Variants in MSS51 observed in about 807,000 individuals in gnomAD.
MSS51 encodes the protein MSS51 mitochondrial translational activator, also known as putative protein MSS51 homolog, mitochondrial.
MSS51 carries 32 observed loss-of-function variants against 40.2 expected under a neutral mutation model. The ratio of observed to expected loss-of-function variants is 0.80; its 90% CI spans 0.60 to 1.07. The LOEUF is 1.07. Ranked by LOEUF, MSS51 falls within the 50% of genes least tolerant of loss-of-function variation. MSS51 has a pLI of 0.00. For missense variants in MSS51, 518 were observed against 568.9 expected (o/e 0.91, Z 0.91); for synonymous variants, 178 against 214.2 (o/e 0.83, Z 1.48).
Position 73,424,383 on chromosome 10 carries a change from A to C in MSS51, c.*170T>G, listed in dbSNP as rs1057052432. 1 of 610,572 alleles carries C rather than the reference A, an allele frequency of 1.6e-6. No individual in the cohort carries two copies. Among genetic ancestry groups the C allele is most frequent in the African/African-American group, 1.9e-5 (1 of 53,926 alleles). 37.8% of individuals were successfully genotyped at this position (610,572 alleles called of 1,614,324 possible). ...CAGAGCAAGACTCCATCTCAAAAAAAGAAAGAAACCAGTTATGTTATACAG... is the reference window on the plus strand; with the variant it reads ...CAGAGCAAGACTCCATCTCAAAAAACGAAAGAAACCAGTTATGTTATACAG... On this transcript the variant is annotated 3_prime_UTR_variant, in exon 7 of 7. Transcript: ENST00000299432.
At position 73,427,986 on chromosome 10, in the gene MSS51, C is replaced by A. The variant is rs1193344893; in HGVS notation, c.221+78G>T. On this transcript the variant is annotated intron_variant, in intron 2 of 6. Coordinates refer to ENST00000299432, the MANE Select transcript of MSS51 (RefSeq NM_001024593.2). ...TTGCAAATACTCCATATTCACCAAACTGTACTCCCTCTCCACCTTCTGAAA... is the reference window on the plus strand; with the variant it reads ...TTGCAAATACTCCATATTCACCAAAATGTACTCCCTCTCCACCTTCTGAAA... 6 of 1,388,662 alleles carry A rather than the reference C, an allele frequency of 4.3e-6. No homozygotes were observed. The East Asian group carries it at 1.4e-4, about 32-fold the overall frequency. 86.0% of individuals were successfully genotyped at this position (1,388,662 alleles called of 1,614,324 possible). A position where few individuals can be genotyped will look rare whatever the true frequency, so the allele number is the denominator to read the frequency against.
intron 3 of MSS51, among the ~76,000 whole-genome samples, chr10:73,426,949 T>C (rs758577030): frequency 1.3e-5 from 2 of 152,114 alleles, no homozygotes; most frequent in African/African-American, 2.4e-5. Flanking sequence ...TACCTTACTC[T>C]CTATCTGGAA....
intron 3 of MSS51, 109 bp downstream of exon 3, chr10:73,427,504 T>A: frequency 8.2e-7 from 1 of 1,225,968 alleles, no homozygotes; most frequent in African/African-American, 1.5e-5. Flanking sequence ...CCTCATGTGA[T>A]CCACCTGCCT....
intron 1 of MSS51, among the ~76,000 whole-genome samples, chr10:73,431,498 C>G (rs944951686): frequency 6.6e-6 from 1 of 152,166 alleles, no homozygotes; most frequent in Non-Finnish European, 1.5e-5. Context: ...TAGATCAGAT[C>G]TGTTAGGAAA....
In MSS51 at chr10:73,428,066, AT is replaced by A. The variant is rs774296188; in HGVS notation, c.218del (p.Tyr73LeufsTer5). On this transcript the variant is annotated frameshift_variant, in exon 2 of 7. Coordinates refer to ENST00000299432, the MANE Select transcript of MSS51 (RefSeq NM_001024593.2). LOFTEE classifies it high-confidence loss of function. ...TTTCCATAGAGCTGGTCACTCACTTATATTCTTCATAGCTTTTCATGTTCAG... is the reference window on the plus strand; with the variant it reads ...TTTCCATAGAGCTGGTCACTCACTTAATTCTTCATAGCTTTTCATGTTCAG... ...QKLNMKSYEEYKLVVDGGTPV... is the reference protein window; with the variant it reads ...QKLNMKSYEEXKLVVDGGTPV... 3.7e-6 allele frequency: 6 copies of A among 1,613,770 alleles called. No homozygotes were observed. The Admixed American group carries it at 1.0e-4, about 27-fold the overall frequency.
At position 73,426,065 on chromosome 10, in the gene MSS51, T is replaced by C. The variant is rs1270069624; in HGVS notation, c.815A>G (p.His272Arg). 6.2e-7 allele frequency: 1 copy of C among 1,614,224 alleles called. No homozygotes were observed. The highest frequency in any genetic ancestry group is 1.1e-5 in the South Asian group (1 of 91,088). The change falls in exon 5 of 7, where the codon CAT (histidine) becomes CGT (arginine). Residue 272 changes from histidine to arginine, a missense_variant. Physicochemically the swap from His to Arg is conservative, Grantham distance 29. Transcript: ENST00000299432. Reference sequence around the variant, plus strand: ...TGGGCGAGTAAGAAATGTCTCCACATGGGAAGCACCAACCACATGCACTGT... The same window carrying C: ...TGGGCGAGTAAGAAATGTCTCCACACGGGAAGCACCAACCACATGCACTGT... ...GSTVHVVGASHVETFLTRPGD... is the reference protein window; with the variant it reads ...GSTVHVVGASRVETFLTRPGD...
At chr10:73,427,313 C>T (rs918583052) in intron 3 of MSS51, among the ~76,000 whole-genome samples, 2 of 128,836 alleles carry the variant, frequency 1.6e-5, no homozygotes, top group Non-Finnish European at 3.1e-5. Context: ...GAGTCTCGCT[C>T]TGTCATCCAG....
intron 1 of MSS51, among the ~76,000 whole-genome samples, 196 bp downstream of exon 1, chr10:73,433,317 G>A (rs2056042655): frequency 6.6e-6 from 1 of 152,070 alleles, no homozygotes; most frequent in Non-Finnish European, 1.5e-5. Flanking sequence ...GGAGAGGTAG[G>A]GAGAAGGAAG....
At position 73,424,651 on chromosome 10, in the gene MSS51, G is replaced by A. The variant is rs763419902; in HGVS notation, c.1285C>T (p.Gln429Ter). ...TAGTATGCACTGCAGTATACTGGCT[G>A]CTTGTTGGGACTGGAATAGACCTGT... ...PEQVYSSPNK[Q>*]PVYCSAYYIM... is the part of the protein sequence containing the mutation. Residue 429 changes from glutamine (Q) to a stop codon, truncating the protein, a stop_gained, in exon 7 of 7, where the codon CAG becomes TAG. Coordinates refer to ENST00000299432, the MANE Select transcript of MSS51 (RefSeq NM_001024593.2). LOFTEE classifies it high-confidence loss of function. 1 of 1,614,102 alleles carries A rather than the reference G, an allele frequency of 6.2e-7. No homozygotes were observed. Among genetic ancestry groups the A allele is most frequent in the East Asian group, 2.2e-5 (1 of 44,880 alleles).
In MSS51 at chr10:73,425,304, T is replaced by TATC. The variant is rs1211290955; in HGVS notation, c.1070-116_1070-114dup. On this transcript the variant is annotated intron_variant, in intron 5 of 6. Coordinates refer to ENST00000299432, the MANE Select transcript of MSS51 (RefSeq NM_001024593.2). ...CCTCACCTTGCTTATCCCCAGTCAT[T>TATC]ATCATCATCATCATCATCCACTCTT... 98 of 640,420 alleles carry TATC rather than the reference T, an allele frequency of 1.5e-4. 1 individual carries two copies. The highest frequency in any genetic ancestry group is 1.2e-3 in the South Asian group (59 of 50,212). 39.7% of individuals were successfully genotyped at this position (640,420 alleles called of 1,614,324 possible). A position where few individuals can be genotyped will look rare whatever the true frequency, so the allele number is the denominator to read the frequency against.
In MSS51 at chr10:73,426,616, G is replaced by A. The variant is rs1163855728; in HGVS notation, c.493C>T (p.Leu165=). 2.5e-6 allele frequency: 4 copies of A among 1,614,144 alleles called. No individual in the cohort carries two copies. The highest frequency in any genetic ancestry group is 1.3e-5 in the African/African-American group (1 of 75,012). The part of the protein sequence containing the change: ...VAVDRLMEWL[L]VTGDFVLPSG... ...AACACCACCACTCCACCTGTGACCA[G>A]AAGCCATTCCATGAGACGGTCCACA... The change falls in exon 4 of 7, where the codon CTG becomes TTG. Residue 165 remains leucine (L), a synonymous_variant. Coordinates refer to ENST00000299432, the MANE Select transcript of MSS51 (RefSeq NM_001024593.2).
chr10:73,427,843 G>A (rs1198653188), intron 2 of MSS51, 75 bp from the exon 3 acceptor site: 7 of 1,527,686 alleles, frequency 4.6e-6, no homozygotes, highest in Non-Finnish European at 6.3e-6. Context: ...CCCCCATCTT[G>A]TCTCCTACAC....
At position 73,426,249 on chromosome 10, in the gene MSS51, C is replaced by T. The variant is rs932607822; in HGVS notation, c.631G>A (p.Val211Met). 3.1e-6 allele frequency: 5 copies of T among 1,613,394 alleles called. No homozygotes were observed. Among genetic ancestry groups the T allele is most frequent in the Non-Finnish European group, 4.2e-6 (5 of 1,180,058 alleles). The change falls in exon 5 of 7, where the codon GTG becomes ATG. Residue 211 changes from valine (V) to methionine (M), a missense_variant. Val to Met is a conservative substitution (Grantham distance 21, BLOSUM62 1). Transcript: ENST00000299432. ...TLDAVLVSHA[V>M]TTLWASVGRP... The stretch of plus-strand genomic sequence containing the variant: ...CCTACACTGGCCCATAAGGTGGTCA[C>T]AGCATGACTAACTAGCACAGCATCC...
intron 1 of MSS51, among the ~76,000 whole-genome samples, chr10:73,430,589 G>A (rs1589675652): frequency 1.3e-5 from 2 of 150,824 alleles, no homozygotes; most frequent in East Asian, 1.9e-4. Context: ...CCACTAGTAT[G>A]GCTATTATAA....
chr10:73,424,299 C>G lies in MSS51; in HGVS notation c.*254G>C. On this transcript the variant is annotated 3_prime_UTR_variant, in exon 7 of 7. Coordinates refer to ENST00000299432, the MANE Select transcript of MSS51 (RefSeq NM_001024593.2). Reference sequence around the variant, plus strand: ...GGCTGAGGCAGGAGAACCACTTGAACCCAGGAGGCGGAGGCTGCAGTGAGT... The same window carrying G: ...GGCTGAGGCAGGAGAACCACTTGAAGCCAGGAGGCGGAGGCTGCAGTGAGT... 2.5e-6 allele frequency: 1 copy of G among 398,856 alleles called. No homozygotes were observed. Among genetic ancestry groups the G allele is most frequent in the South Asian group, 2.6e-5 (1 of 39,002 alleles). 24.7% of individuals were successfully genotyped at this position (398,856 alleles called of 1,614,324 possible).
intron 1 of MSS51, among the ~76,000 whole-genome samples, chr10:73,431,222 A>AT (rs1379563526): frequency 2.0e-5 from 3 of 152,238 alleles, no homozygotes; most frequent in African/African-American, 7.2e-5. Flanking sequence ...TGGTTGAACA[A>AT]TACCGTGAAT....
At chr10:73,428,335 A>G (rs2056005419) in intron 1 of MSS51, 34 bp from the exon 2 acceptor site, 2 of 1,489,252 alleles carry the variant, frequency 1.3e-6, no homozygotes, top group Non-Finnish European at 1.8e-6. Context: ...CATGGAATGG[A>G]ATTTTACAAG....
intron 4 of MSS51, 105 bp from the exon 5 acceptor site, chr10:73,426,482 G>T: frequency 6.3e-7 from 1 of 1,577,434 alleles, no homozygotes; most frequent in African/African-American, 1.3e-5. Flanking sequence ...GCCAACCTGT[G>T]AGCAGGCGTG....
chr10:73,426,618 A>T lies in MSS51; in HGVS notation c.491T>A (p.Leu164His). The T allele has an allele frequency of 6.2e-7, 1 of 1,614,198 alleles. No homozygotes were observed. Among genetic ancestry groups the T allele is most frequent in the South Asian group, 1.1e-5 (1 of 91,090 alleles). ...LVAVDRLMEWLLVTGDFVLPS... is the reference protein window; with the variant it reads ...LVAVDRLMEWHLVTGDFVLPS... ...CACCACCACTCCACCTGTGACCAGAAGCCATTCCATGAGACGGTCCACAGC... is the reference window on the plus strand; with the variant it reads ...CACCACCACTCCACCTGTGACCAGATGCCATTCCATGAGACGGTCCACAGC... Residue 164 changes from leucine (L) to histidine (H), a missense_variant, in exon 4 of 7, where the codon CTT becomes CAT. Physicochemically the swap from Leu to His is moderately conservative, Grantham distance 99 (BLOSUM62 -3). Coordinates refer to ENST00000299432, the MANE Select transcript of MSS51 (RefSeq NM_001024593.2).
Sources: allele counts gnomAD v4.1 joint callset (sites outside exome capture counted in the v4.1 genomes callset), GRCh38; gene constraint gnomAD v4.1.1; transcripts MANE v1.5; gene names NCBI Gene and HGNC (gene_info 2026-07-23, HGNC 2026-07-21).